The following TTBK2 variants were observed in gnomAD, a reference collection of about 807,000 sequenced individuals.
TTBK2 encodes the protein tau tubulin kinase 2, also known as tau-tubulin kinase 2.
A neutral mutation model predicts 110.8 loss-of-function variants in TTBK2; 28 were observed. The observed-to-expected ratio is 0.25, with a 90% CI of 0.19 to 0.35. The LOEUF is 0.35. TTBK2 is among the 10% of genes least tolerant of loss of function. The pLI, the probability that TTBK2 is intolerant of heterozygous loss-of-function variation, is 1.00. For synonymous variants in TTBK2, 532 were observed against 527.3 expected (o/e 1.01, Z -0.12); for missense variants, 1,369 against 1,500.3 (o/e 0.91, Z 1.45).
chr15:42,880,883 T>C (rs1895011016), intron 1 of TTBK2, among the ~76,000 whole-genome samples: 1 of 151,850 alleles, frequency 6.6e-6, no homozygotes, highest in Non-Finnish European at 1.5e-5. Flanking sequence ...AGTAATCTAC[T>C]GCAATCTGTT....
At chr15:42,906,139 G>T (rs1461289243) in intron 1 of TTBK2, among the ~76,000 whole-genome samples, 1 of 151,766 alleles carries the variant, frequency 6.6e-6, no homozygotes, top group African/African-American at 2.4e-5. Flanking sequence ...GGTGAGCCAG[G>T]ATCACACCAT....
At chr15:42,789,320 T>TG (rs1890544821) in intron 10 of TTBK2, among the ~76,000 whole-genome samples, 1 of 152,152 alleles carries the variant, frequency 6.6e-6, no homozygotes, top group African/African-American at 2.4e-5. Flanking sequence ...TATATATATG[T>TG]TTTTTGTTCA....
At chr15:42,808,425 C>A (rs36092914) in intron 9 of TTBK2, among the ~76,000 whole-genome samples, 15,770 of 152,146 alleles carry the variant, frequency 0.1, 1,138 homozygotes, top group South Asian at 0.21. Flanking sequence ...GGAAACATAT[C>A]ATTGCTATTT....
rs1894092924 is a variant in TTBK2, at chr15:42,860,020, C to A, written c.217+12591G>T. Among the ~76,000 whole-genome samples, 3 of 151,300 alleles carry A rather than the reference C, an allele frequency of 2.0e-5. No homozygotes were observed. The South Asian group carries it at 6.2e-4, about 31-fold the overall frequency. On this transcript the variant is annotated intron_variant, in intron 3 of 14. Coordinates refer to ENST00000267890, the MANE Select transcript of TTBK2 (RefSeq NM_173500.4). ...GTATCTGAGCTTGAGGATGTATCTA[C>A]AGAAACCTCCAAAAGAGAAAATCAA...
chr15:42,757,389 G>C (rs1291522598), intron 13 of TTBK2, among the ~76,000 whole-genome samples: 4 of 152,158 alleles, frequency 2.6e-5, no homozygotes, highest in Non-Finnish European at 4.4e-5. Flanking sequence ...GGGATTACAG[G>C]TATGAGCCAC....
chr15:42,798,147 G>C (rs953510696), intron 9 of TTBK2: 46 of 449,770 alleles, frequency 1.0e-4, no homozygotes, highest in Non-Finnish European at 1.8e-5. Flanking sequence ...GCCTCCCTAA[G>C]TGCTGGGATT....
intron 3 of TTBK2, among the ~76,000 whole-genome samples, chr15:42,866,874 A>G (rs981879729): frequency 2.0e-5 from 3 of 152,212 alleles, no homozygotes; most frequent in Non-Finnish European, 4.4e-5. Context: ...AAATAAAAAC[A>G]TAACATCAAA....
In TTBK2 at chr15:42,745,826, T is replaced by C. The variant is rs1044558705; in HGVS notation, c.3704A>G (p.Lys1235Arg). 1.4e-5 allele frequency: 22 copies of C among 1,614,056 alleles called. No individual in the cohort carries two copies. Among genetic ancestry groups the C allele is most frequent in the African/African-American group, 2.7e-5 (2 of 74,930 alleles). The change falls in exon 15 of 15, where the codon AAG becomes AGG. Residue 1235 changes from lysine (K) to arginine (R), a missense_variant. Around this residue, in one of 4 missense-constraint regions of TTBK2, gnomAD observed 1,097 missense variants for 1,114.7 expected, o/e 0.98. Coordinates refer to ENST00000267890, the MANE Select transcript of TTBK2 (RefSeq NM_173500.4). Reference sequence around the variant, plus strand: ...GCTGAGTTTACTGGCTGGCTTACTCTTCCCTTGGGGGGTTTTAGTGCTGGC... The same window carrying C: ...GCTGAGTTTACTGGCTGGCTTACTCCTCCCTTGGGGGGTTTTAGTGCTGGC... ...HSASTKTPQG[K>R]SKPASKLSR
At chr15:42,783,336 A>G in intron 11 of TTBK2, 83 bp downstream of exon 11, 1 of 1,398,540 alleles carries the variant, frequency 7.2e-7, no homozygotes. Flanking sequence ...CCAGATACCA[A>G]ATCTGCCTAG....
intron 3 of TTBK2, 46 bp downstream of exon 3, chr15:42,872,565 A>C (rs758365754): frequency 1.5e-5 from 24 of 1,592,216 alleles, no homozygotes; most frequent in Non-Finnish European, 2.1e-5. Flanking sequence ...AATAAATTAT[A>C]AATTAACATA....
At chr15:42,875,802 A>T (rs1300009982) in intron 2 of TTBK2, among the ~76,000 whole-genome samples, 2 of 146,876 alleles carry the variant, frequency 1.4e-5, no homozygotes, top group East Asian at 4.2e-4. Flanking sequence ...GCTACTTGGG[A>T]GGCTGAGGCA....
chr15:42,852,119 G>C (rs1053563230), intron 3 of TTBK2, among the ~76,000 whole-genome samples: 5 of 151,728 alleles, frequency 3.3e-5, no homozygotes, highest in African/African-American at 1.2e-4. Flanking sequence ...ACCCAGGCGG[G>C]AGTGCAGTCA....
chr15:42,812,090 T>C (rs942052543), intron 7 of TTBK2, among the ~76,000 whole-genome samples: 4 of 152,180 alleles, frequency 2.6e-5, no homozygotes, highest in East Asian at 1.9e-4. Context: ...TAAAAGCTAT[T>C]TTTTAAAAGG....
intron 1 of TTBK2, among the ~76,000 whole-genome samples, chr15:42,901,593 C>T (rs1388276971): frequency 4.2e-5 from 6 of 141,490 alleles, no homozygotes; most frequent in South Asian, 2.2e-4. Flanking sequence ...TCCAGCTGGG[C>T]AAAATAGCGA....
intron 1 of TTBK2, among the ~76,000 whole-genome samples, chr15:42,898,251 A>G (rs1895745346): frequency 6.6e-6 from 1 of 152,084 alleles, no homozygotes; most frequent in South Asian, 2.1e-4. Flanking sequence ...TGACCAGACC[A>G]AACAGAAAAT....
At chr15:42,780,346 T>C (rs888356372) in intron 11 of TTBK2, among the ~76,000 whole-genome samples, 31 of 150,520 alleles carry the variant, frequency 2.1e-4, no homozygotes, top group African/African-American at 7.3e-4. Flanking sequence ...TCATTCTTTT[T>C]CTTTTTTTTT....
intron 9 of TTBK2, 111 bp from the exon 10 acceptor site, chr15:42,794,912 TA>T: frequency 6.9e-7 from 1 of 1,443,758 alleles, no homozygotes; most frequent in South Asian, 1.2e-5. Flanking sequence ...TGATTTTCTT[TA>T]AAAACTGATG....
At chr15:42,901,959 T>G (rs2030046474) in intron 1 of TTBK2, among the ~76,000 whole-genome samples, 1 of 152,170 alleles carries the variant, frequency 6.6e-6, no homozygotes, top group Non-Finnish European at 1.5e-5. Context: ...CTCACGCTTG[T>G]AATCCCAGCA....
intron 10 of TTBK2, among the ~76,000 whole-genome samples, chr15:42,785,572 A>G (rs2140822509): frequency 6.6e-6 from 1 of 152,250 alleles, no homozygotes. Flanking sequence ...AAAAATAGCA[A>G]ATATTAATTG....
Sources: allele counts gnomAD v4.1 joint callset (sites outside exome capture counted in the v4.1 genomes callset), GRCh38; gene constraint gnomAD v4.1.1; regional missense constraint gnomAD v4.1.1; transcripts MANE v1.5; gene names NCBI Gene and HGNC (gene_info 2026-07-23, HGNC 2026-07-21).